MLLT1: variants seen among roughly 807,000 people sequenced by gnomAD.
The protein encoded by MLLT1 is MLLT1 super elongation complex subunit.
In MLLT1, 11 loss-of-function variants were observed where a neutral mutation model predicts 55.1. That is an observed-to-expected ratio of 0.20 (90% CI 0.13 to 0.33). The LOEUF (loss-of-function observed/expected upper bound fraction) is 0.33, where lower values mean the gene tolerates loss of function less well. Among genes scored for constraint, MLLT1 ranks in the 10% least tolerant of loss-of-function variants. MLLT1 has a pLI of 1.00. For missense variants in MLLT1, 536 were observed against 760.6 expected (o/e 0.70, Z 3.47); for synonymous variants, 323 against 320.1 (o/e 1.01, Z -0.10).
At chr19:6,241,852 AC>A (rs2091116017) in intron 3 of MLLT1, among the ~76,000 whole-genome samples, 1 of 152,342 alleles carries the variant, frequency 6.6e-6, no homozygotes, top group Admixed American at 6.5e-5. Context: ...GTCCCCGCAC[AC>A]AATGTGGCTT....
chr19:6,236,937 G>A lies in MLLT1; in HGVS notation c.277-6224C>T, dbSNP rs78962780. 2.3e-3 allele frequency among the ~76,000 whole-genome samples: 356 copies of A among 152,318 alleles called. 3 individuals are homozygous for A. Among genetic ancestry groups the A allele is most frequent in the African/African-American group, 8.3e-3 (345 of 41,580 alleles). ...TCCTAGAGTCACGTGTTCTTGGGCC[G>A]GGCCAGGTCGCGAGCAGCTCCCCAC... On this transcript the variant is annotated intron_variant, in intron 3 of 11. Coordinates refer to ENST00000252674, the MANE Select transcript of MLLT1 (RefSeq NM_005934.4).
chr19:6,220,555 G>GCGGGAGC (rs2090887959), intron 6 of MLLT1, among the ~76,000 whole-genome samples: 1 of 152,256 alleles, frequency 6.6e-6, no homozygotes. Flanking sequence ...AACACTGGTG[G>GCGGGAGC]CGGGAGCCAG....
rs1384562630 is a variant in MLLT1, at chr19:6,273,719, G to C, written c.13-2960C>G. Among the ~76,000 whole-genome samples, 1 of 152,184 alleles carries C rather than the reference G, an allele frequency of 6.6e-6. No individual in the cohort carries two copies. Among genetic ancestry groups the C allele is most frequent in the Non-Finnish European group, 1.5e-5 (1 of 68,024 alleles). ...AACTAAATGTACATATACATCATGGGAACAGCACCAGGATGCGGGAGAACG... is the reference window on the plus strand; with the variant it reads ...AACTAAATGTACATATACATCATGGCAACAGCACCAGGATGCGGGAGAACG... On this transcript the variant is annotated intron_variant, in intron 1 of 11. Transcript: ENST00000252674. The surrounding 1 kb of genome is among the most constrained non-coding windows in gnomAD (Gnocchi z 4.3).
At chr19:6,261,814 CT>C (rs1292336688) in intron 3 of MLLT1, among the ~76,000 whole-genome samples, 1 of 152,156 alleles carries the variant, frequency 6.6e-6, no homozygotes, top group Non-Finnish European at 1.5e-5. Flanking sequence ...ATCAAAGATT[CT>C]GCCCAGAAGA....
At chr19:6,265,330 T>G (rs959176846) in intron 2 of MLLT1, among the ~76,000 whole-genome samples, 2 of 152,190 alleles carry the variant, frequency 1.3e-5, no homozygotes, top group African/African-American at 2.4e-5. Context: ...ATCCAAAATC[T>G]AAAATGCTCC....
chr19:6,252,622 T>C (rs2091226429), intron 3 of MLLT1, among the ~76,000 whole-genome samples: 1 of 152,086 alleles, frequency 6.6e-6, no homozygotes. Flanking sequence ...AACACCTACA[T>C]TCAAAAATAA....
At chr19:6,279,665 G>A (rs2091447700) in intron 1 of MLLT1, 108 bp downstream of exon 1, 1 of 150,462 alleles carries the variant, frequency 6.6e-6, no homozygotes, top group South Asian at 1.8e-4. Context: ...CGCACAAAGC[G>A]GGCGGGCGGG....
chr19:6,233,021 G>A (rs1449197207), intron 3 of MLLT1, among the ~76,000 whole-genome samples: 1 of 152,162 alleles, frequency 6.6e-6, no homozygotes, highest in African/African-American at 2.4e-5. Context: ...TGGGCCCGGC[G>A]TCCTCTGCAC....
rs375012045 is a variant in MLLT1 at position 6,219,940 on chromosome 19, A to G, written c.1111-1899T>C. ...AAAGAATCCGGAAATGGTCTCAGCCAGAAGAGCCCTAAGGTGGTGTGATCA... is the reference window on the plus strand; with the variant it reads ...AAAGAATCCGGAAATGGTCTCAGCCGGAAGAGCCCTAAGGTGGTGTGATCA... On this transcript the variant is annotated intron_variant, in intron 6 of 11. Transcript: ENST00000252674. This position sits in a 1 kb window ranked among gnomAD's most constrained non-coding sequence, Gnocchi z 4.5. 1.2e-4 allele frequency among the ~76,000 whole-genome samples: 19 copies of G among 152,222 alleles called. No individual in the cohort carries two copies. The highest frequency in any genetic ancestry group is 1.2e-3 in the East Asian group (6 of 5,200).
intron 3 of MLLT1, among the ~76,000 whole-genome samples, chr19:6,261,834 A>T (rs1428865826): frequency 6.6e-6 from 1 of 152,302 alleles, no homozygotes; most frequent in South Asian, 2.1e-4. Flanking sequence ...GACGCATCGT[A>T]ATCGGACTGT....
chr19:6,250,774 C>T (rs958441592), intron 3 of MLLT1, among the ~76,000 whole-genome samples: 1 of 152,158 alleles, frequency 6.6e-6, no homozygotes. Flanking sequence ...ACCTGGTACT[C>T]AAACACATAC....
chr19:6,217,979 G>C lies in MLLT1; in HGVS notation c.1173C>G (p.Phe391Leu). Residue 391 changes from phenylalanine to leucine, a missense_variant, in exon 7 of 12, where the codon TTC (phenylalanine) becomes TTG (leucine). By Grantham distance (22) the Phe-to-Leu change is conservative. Around this residue, in one of 3 missense-constraint regions of MLLT1, gnomAD observed 449 missense variants for 489.0 expected, o/e 0.92. Coordinates refer to ENST00000252674, the MANE Select transcript of MLLT1 (RefSeq NM_005934.4). ...CTTGGCTGTGGTTCTGGGATGGCTC[G>C]AAGTCTGAGTCTGAGCTGGAGTCTG... is the stretch of plus-strand genomic sequence containing the variant. The part of the protein sequence containing the change: ...SSSDSSSDSD[F>L]EPSQNHSQGP... 6.2e-7 allele frequency: 1 copy of C among 1,606,654 alleles called. No individual in the cohort carries two copies. Among genetic ancestry groups the C allele is most frequent in the Non-Finnish European group, 8.5e-7 (1 of 1,176,832 alleles).
chr19:6,266,338 G>A (rs916825907), intron 2 of MLLT1, among the ~76,000 whole-genome samples: 16 of 150,804 alleles, frequency 1.1e-4, no homozygotes, highest in African/African-American at 3.9e-4. Context: ...TTCTTGACCT[G>A]TAATTCCCAA....
Position 6,226,575 on chromosome 19 carries a change from T to C in MLLT1, c.546+402A>G, listed in dbSNP as rs1340240799. ...AGCCTGGCATAGCCAAGGGCAGAAG[T>C]AGCCCCAGCTGCCCTCAGGAGGGTT... On this transcript the variant is annotated intron_variant, in intron 5 of 11. Transcript: ENST00000252674. This position sits in a 1 kb window ranked among gnomAD's most constrained non-coding sequence, Gnocchi z 6.3. Among the ~76,000 whole-genome samples, 1 of 152,118 alleles carries C rather than the reference T, an allele frequency of 6.6e-6. No homozygotes were observed. The highest frequency in any genetic ancestry group is 1.5e-5 in the Non-Finnish European group (1 of 68,028).
chr19:6,275,370 C>T (rs1200436537), intron 1 of MLLT1, among the ~76,000 whole-genome samples: 1 of 152,192 alleles, frequency 6.6e-6, no homozygotes, highest in Non-Finnish European at 1.5e-5. Context: ...AACACGTGCA[C>T]GTGTGTGAGC....
chr19:6,227,707 C>T lies in MLLT1; in HGVS notation c.421-605G>A, dbSNP rs1386614408. Among the ~76,000 whole-genome samples, 7 of 152,158 alleles carry T rather than the reference C, an allele frequency of 4.6e-5. No homozygotes were observed. Among genetic ancestry groups the T allele is most frequent in the Non-Finnish European group, 1.5e-5 (1 of 68,022 alleles). On this transcript the variant is annotated intron_variant, in intron 4 of 11. Coordinates refer to ENST00000252674, the MANE Select transcript of MLLT1 (RefSeq NM_005934.4). This position sits in a 1 kb window ranked among gnomAD's most constrained non-coding sequence, Gnocchi z 5.1. The stretch of plus-strand genomic sequence containing the variant: ...TGCAAAGCAGGCCCGAGTGAGCCAG[C>T]GAGCCTGCAGCATGGGGCACCTGCT...
rs558377152 is a variant in MLLT1, at chr19:6,261,304, C to T, written c.276+924G>A. ...GCATCTGAAATCGGCCAAGCTGCAC[C>T]GGCTGAAACGTCACCCGGCTCCTAG... On this transcript the variant is annotated intron_variant, in intron 3 of 11. Transcript: ENST00000252674. Among the ~76,000 whole-genome samples, 8 of 152,220 alleles carry T rather than the reference C, an allele frequency of 5.3e-5. No individual in the cohort carries two copies. The East Asian group carries it at 1.3e-3, about 26-fold the overall frequency.
chr19:6,258,253 C>T (rs919678892), intron 3 of MLLT1, among the ~76,000 whole-genome samples: 1 of 152,182 alleles, frequency 6.6e-6, no homozygotes, highest in African/African-American at 2.4e-5. Flanking sequence ...AAACGTCTAT[C>T]CACAGATGAA....
rs2090787454 is a variant in MLLT1, at chr19:6,212,531, G to A, written c.*511C>T. 5 of 1,078,202 alleles carry A rather than the reference G, an allele frequency of 4.6e-6. No individual in the cohort carries two copies. Among genetic ancestry groups the A allele is most frequent in the East Asian group, 4.9e-5 (1 of 20,326 alleles). The allele number at this position is 1,078,202 out of a possible 1,614,324, so 66.8% of individuals were successfully genotyped here. A position where few individuals can be genotyped will look rare whatever the true frequency, so the allele number is the denominator to read the frequency against. Reference sequence around the variant, plus strand: ...TACAGCACAGACCCCAGCGCAGCGCGAGCCGGGGAGGAGCCGGCGCTAGGT... The same window carrying A: ...TACAGCACAGACCCCAGCGCAGCGCAAGCCGGGGAGGAGCCGGCGCTAGGT... On this transcript the variant is annotated 3_prime_UTR_variant, in exon 12 of 12. Coordinates refer to ENST00000252674, the MANE Select transcript of MLLT1 (RefSeq NM_005934.4).
Sources: allele counts gnomAD v4.1 joint callset (sites outside exome capture counted in the v4.1 genomes callset), GRCh38; gene constraint gnomAD v4.1.1; regional missense constraint gnomAD v4.1.1; non-coding constraint Gnocchi (gnomAD v3.1); transcripts MANE v1.5; gene names NCBI Gene and HGNC (gene_info 2026-07-23, HGNC 2026-07-21).